The following KLC1 variants were observed in gnomAD, a reference collection of about 807,000 sequenced individuals.
KLC1 encodes the protein kinesin 2 60/70kDa.
In KLC1, 30 loss-of-function variants were observed where a neutral mutation model predicts 84.2. The ratio of observed to expected loss-of-function variants is 0.36; its 90% CI spans 0.27 to 0.48. The LOEUF (loss-of-function observed/expected upper bound fraction) is 0.48. Among genes scored for constraint, KLC1 ranks in the 20% least tolerant of loss-of-function variants. KLC1 has a pLI of 0.99. For synonymous variants in KLC1, 289 were observed against 293.3 expected, an observed-to-expected ratio of 0.99 and a Z score of 0.15; for missense variants, 499 against 805.4, an observed-to-expected ratio of 0.62 and a Z score of 4.60.
chr14:103,662,543 C>T (rs112693854), intron 4 of KLC1, among the ~76,000 whole-genome samples, 159 bp from the exon 5 acceptor site: 1 of 152,014 alleles, frequency 6.6e-6, no homozygotes, highest in Non-Finnish European at 1.5e-5. Context: ...AGTCACTACT[C>T]TTACCCTGCC....
chr14:103,658,414 C>A (rs961490906), intron 3 of KLC1, among the ~76,000 whole-genome samples: 1 of 149,662 alleles, frequency 6.7e-6, no homozygotes, highest in Non-Finnish European at 1.5e-5. Flanking sequence ...GTGTGTGACA[C>A]CATGCCCAGC....
chr14:103,687,886 G>A (rs2081878130), intron 14 of KLC1: 1 of 152,194 alleles, frequency 6.6e-6, no homozygotes, highest in South Asian at 2.1e-4. Context: ...AGTGTCCAGG[G>A]TCACCTCTGG....
At position 103,686,127 on chromosome 14, in the gene KLC1, G is replaced by A. The variant is rs2081766055; in HGVS notation, c.1651-954G>A. 3 of 989,862 alleles carry A rather than the reference G, an allele frequency of 3.0e-6. No individual in the cohort carries two copies. The African/African-American group carries it at 5.2e-5, about 17-fold the overall frequency. 61.3% of individuals were successfully genotyped at this position (989,862 alleles called of 1,614,324 possible). On this transcript the variant is annotated intron_variant, in intron 13 of 16. Coordinates refer to ENST00000334553, the MANE Select transcript of KLC1 (RefSeq NM_001394837.1). ...GTAGCATTTGCTGTGTAGTCTGTGT[G>A]TGAAATTTGGGCATTCTGCTTTTCT...
At chr14:103,696,575 C>A (rs2082541677) in intron 15 of KLC1, 2 of 985,338 alleles carry the variant, frequency 2.0e-6, no homozygotes, top group Admixed American at 6.1e-5. Flanking sequence ...TGTGTGTACG[C>A]TGTGGTCAGA....
intron 15 of KLC1, 22 bp from the exon 16 acceptor site, chr14:103,700,633 C>G (rs372941257): frequency 8.1e-6 from 13 of 1,599,060 alleles, no homozygotes; most frequent in Non-Finnish European, 1.1e-5. Flanking sequence ...CTGAGTGAAA[C>G]TCGTCTGTGC....
At chr14:103,676,454 C>T (rs1291421538) in intron 11 of KLC1, among the ~76,000 whole-genome samples, 1 of 152,068 alleles carries the variant, frequency 6.6e-6, no homozygotes, top group Non-Finnish European at 1.5e-5. Flanking sequence ...TTAGTAGAGA[C>T]AGAGTTTCAC....
Position 103,654,560 on chromosome 14 carries a change from C to T in KLC1, c.-1-4C>T. 3 of 1,577,384 alleles carry T rather than the reference C, an allele frequency of 1.9e-6. No homozygotes were observed. The highest frequency in any genetic ancestry group is 1.9e-5 in the Admixed American group (1 of 53,382). ...TCTAATTTCTTTTTCTTTTTTCATT[C>T]CAGAATGTATGACAACATGTCCACA... On this transcript the variant is annotated splice_region_variant and splice_polypyrimidine_tract_variant and intron_variant, in intron 1 of 16. Coordinates refer to ENST00000334553, the MANE Select transcript of KLC1 (RefSeq NM_001394837.1).
intron 5 of KLC1, among the ~76,000 whole-genome samples, chr14:103,665,596 C>T (rs1179628740): frequency 2.6e-5 from 4 of 151,792 alleles, no homozygotes; most frequent in East Asian, 1.9e-4. Context: ...CACCAAGCCC[C>T]GCTAATTTTT....
chr14:103,651,838 C>T (rs1008599375), intron 1 of KLC1, among the ~76,000 whole-genome samples: 1 of 152,242 alleles, frequency 6.6e-6, no homozygotes, highest in African/African-American at 2.4e-5. Context: ...CTTGATAACA[C>T]TGGCTTCCCT....
In KLC1 at chr14:103,669,602, T is replaced by C; in HGVS notation, c.885+4T>C. 4 of 1,567,340 alleles carry C rather than the reference T, an allele frequency of 2.6e-6. No individual in the cohort carries two copies. The South Asian group carries it at 4.5e-5, about 17-fold the overall frequency. ...TTTGGGCAAAGATCATCCTGCGGTT[T>C]GTATATCCAGTTCTTTCATTCTTTT... is the stretch of plus-strand genomic sequence containing the variant. On this transcript the variant is annotated splice_donor_region_variant and intron_variant, in intron 6 of 16. Coordinates refer to ENST00000334553, the MANE Select transcript of KLC1 (RefSeq NM_001394837.1).
intron 14 of KLC1, among the ~76,000 whole-genome samples, chr14:103,692,012 C>A (rs912658006): frequency 6.6e-6 from 1 of 152,212 alleles, no homozygotes; most frequent in African/African-American, 2.4e-5. Flanking sequence ...TTAAGTGATC[C>A]TCCTGCCTTG....
At position 103,670,172 on chromosome 14, in the gene KLC1, G is replaced by GTGT. The variant is rs2151665613; in HGVS notation, c.886-7_886-5dup. The stretch of plus-strand genomic sequence containing the variant: ...TTTACCATTCTTAGTGGTTCTCTCT[G>GTGT]TGTTGACAGGTGGCGGCGACTTTGA... On this transcript the variant is annotated splice_polypyrimidine_tract_variant and intron_variant, in intron 6 of 16. Transcript: ENST00000334553. The GTGT allele has an allele frequency of 6.2e-7, 1 of 1,602,824 alleles. No individual in the cohort carries two copies. Among genetic ancestry groups the GTGT allele is most frequent in the Non-Finnish European group, 8.5e-7 (1 of 1,171,820 alleles).
At chr14:103,675,504 G>A (rs758901313) in intron 9 of KLC1, 48 bp from the exon 10 acceptor site, 2 of 1,554,000 alleles carry the variant, frequency 1.3e-6, no homozygotes, top group South Asian at 2.3e-5. Context: ...AGATTTTGGA[G>A]TTTTGGATTA....
Position 103,662,808 on chromosome 14 carries a change from G to T in KLC1, c.678G>T (p.Gln226His), listed in dbSNP as rs768900438. Reference sequence around the variant, plus strand: ...ACCTGGTGATCCAGTACGCCTCGCAGGGGCGCTACGAGGTAGCTGTGCCCC... The same window carrying T: ...ACCTGGTGATCCAGTACGCCTCGCATGGGCGCTACGAGGTAGCTGTGCCCC... ...LHNLVIQYAS[Q>H]GRYEVAVPLC... is the part of the protein sequence containing the mutation. The change falls in exon 5 of 17, where the codon CAG becomes CAT. Residue 226 changes from glutamine to histidine, a missense_variant. Gln to His is a conservative substitution (Grantham distance 24). Around this residue, in one of 3 missense-constraint regions of KLC1, gnomAD observed 153 missense variants for 332.4 expected, o/e 0.46. Transcript: ENST00000334553. 10 of 1,613,022 alleles carry T rather than the reference G, an allele frequency of 6.2e-6. No homozygotes were observed. The South Asian group carries it at 1.1e-4, about 18-fold the overall frequency.
chr14:103,629,736 C>T (rs1309649506), intron 1 of KLC1, among the ~76,000 whole-genome samples: 1 of 152,128 alleles, frequency 6.6e-6, no homozygotes, highest in South Asian at 2.1e-4. Context: ...TTTGCCAGCC[C>T]CGGCTCCCGG....
rs575852524 is a variant in KLC1, at chr14:103,645,323, C to T, written c.-1-9241C>T. On this transcript the variant is annotated intron_variant, in intron 1 of 16. Transcript: ENST00000334553. ...AATTTGCCTGTCTTTTTTTTGGAGG[C>T]GAAGACCTAGCTGCCCTACCAGGTC... 4.6e-5 allele frequency among the ~76,000 whole-genome samples: 7 copies of T among 152,162 alleles called. No homozygotes were observed. The South Asian group carries it at 8.3e-4, about 18-fold the overall frequency.
At chr14:103,659,714 C>T (rs1004961968) in intron 3 of KLC1, among the ~76,000 whole-genome samples, 6 of 152,134 alleles carry the variant, frequency 3.9e-5, no homozygotes, top group Admixed American at 3.3e-4. Flanking sequence ...ACTACTGAAA[C>T]AGTTTTTTGC....
chr14:103,668,354 A>T (rs1044801278), intron 5 of KLC1, among the ~76,000 whole-genome samples: 2 of 152,264 alleles, frequency 1.3e-5, no homozygotes, highest in African/African-American at 4.8e-5. Context: ...CCAGTGGCCT[A>T]GATGGGAAGG....
chr14:103,634,269 T>A (rs1387200250), intron 1 of KLC1, among the ~76,000 whole-genome samples: 1 of 152,202 alleles, frequency 6.6e-6, no homozygotes, highest in Non-Finnish European at 1.5e-5. Context: ...TTGTATTCAG[T>A]GTCGGTGCTT....
Sources: gnomAD v4.1 joint callset for allele counts (sites outside exome capture counted in the v4.1 genomes callset) on GRCh38, gnomAD v4.1.1 for gene constraint, gnomAD v4.1.1 regional missense constraint, MANE v1.5 for transcripts, NCBI Gene and HGNC (gene_info 2026-07-23, HGNC 2026-07-21) for gene names.